Variants in CNMD observed in about 807,000 individuals in gnomAD.
CNMD encodes the protein chondromodulin.
Under a neutral mutation model 37.5 loss-of-function variants are expected in CNMD, and 30 were observed. That is an observed-to-expected ratio of 0.80 (90% CI 0.60 to 1.09). CNMD has a LOEUF of 1.09. Among genes scored for constraint, CNMD ranks in the 50% least tolerant of loss-of-function variants. The probability of loss-of-function intolerance (pLI) is 0.00; values close to 1 mark genes in which losing one functional copy is unlikely to be tolerated. For synonymous variants in CNMD, 167 were observed against 148.2 expected, an observed-to-expected ratio of 1.13 and a Z score of -0.92; for missense variants, 398 against 423.9, an observed-to-expected ratio of 0.94 and a Z score of 0.54.
intron 4 of CNMD, among the ~76,000 whole-genome samples, chr13:52,720,557 G>C (rs1217084820): frequency 6.6e-6 from 1 of 152,170 alleles, no homozygotes; most frequent in Non-Finnish European, 1.5e-5. Context: ...TAACAGTCAA[G>C]CCCCTCTGCT....
chr13:52,717,051 A>T (rs1964402327), intron 4 of CNMD, among the ~76,000 whole-genome samples: 1 of 152,168 alleles, frequency 6.6e-6, no homozygotes, highest in Non-Finnish European at 1.5e-5. Flanking sequence ...TTCTCCTTGA[A>T]GAGGTCCTTC....
At position 52,736,417 on chromosome 13, in the gene CNMD, C is replaced by G. The variant is rs540738093; in HGVS notation, c.213+2614G>C. Among the ~76,000 whole-genome samples the G allele has an allele frequency of 8.9e-4, 136 of 152,296 alleles. 2 individuals carry two copies. Among genetic ancestry groups the G allele is most frequent in the African/African-American group, 2.8e-3 (116 of 41,568 alleles). On this transcript the variant is annotated intron_variant, in intron 2 of 6. Coordinates refer to ENST00000377962, the MANE Select transcript of CNMD (RefSeq NM_007015.3). ...GTGCTGGGATTACAGACGTGAGCCACCACGCCTGGCCTGCAGCCCACCTTT... is the reference window on the plus strand; with the variant it reads ...GTGCTGGGATTACAGACGTGAGCCAGCACGCCTGGCCTGCAGCCCACCTTT...
intron 2 of CNMD, among the ~76,000 whole-genome samples, chr13:52,736,289 C>T (rs907400799): frequency 3.3e-5 from 5 of 152,084 alleles, no homozygotes; most frequent in Non-Finnish European, 7.4e-5. Context: ...CCACCGCGCC[C>T]GGCCTTTATT....
chr13:52,736,650 CAA>C (rs1461753616), intron 2 of CNMD, among the ~76,000 whole-genome samples: 6 of 152,182 alleles, frequency 3.9e-5, no homozygotes, highest in African/African-American at 1.4e-4. Context: ...TTTATCCAAA[CAA>C]GATGAAATTT....
rs1260253219 is a variant in CNMD, at chr13:52,703,316, A to G, written c.*279T>C. Reference sequence around the variant, plus strand: ...TTATTTCAAAATAGCTTTGGAAGATACAAGCAAGGGAAGACTTATGGCAAA... The same window carrying G: ...TTATTTCAAAATAGCTTTGGAAGATGCAAGCAAGGGAAGACTTATGGCAAA... On this transcript the variant is annotated 3_prime_UTR_variant, in exon 7 of 7. Coordinates refer to ENST00000377962, the MANE Select transcript of CNMD (RefSeq NM_007015.3). 2 of 304,454 alleles carry G rather than the reference A, an allele frequency of 6.6e-6. No homozygotes were observed. The highest frequency in any genetic ancestry group is 1.2e-5 in the Non-Finnish European group (2 of 164,722). 18.9% of individuals were successfully genotyped at this position (304,454 alleles called of 1,614,324 possible). A position where few individuals can be genotyped will look rare whatever the true frequency, so the allele number is the denominator to read the frequency against.
At chr13:52,734,692 T>C (rs937220492) in intron 2 of CNMD, among the ~76,000 whole-genome samples, 1 of 152,104 alleles carries the variant, frequency 6.6e-6, no homozygotes, top group African/African-American at 2.4e-5. Context: ...AGTGGAGGAA[T>C]GAGAACTGAT....
chr13:52,731,429 T>C (rs1383657769), intron 3 of CNMD, among the ~76,000 whole-genome samples: 1 of 152,184 alleles, frequency 6.6e-6, no homozygotes, highest in African/African-American at 2.4e-5. Flanking sequence ...TAGTGGCTGA[T>C]TCATGTGTTT....
At chr13:52,732,418 A>T (rs1036705341) in intron 3 of CNMD, among the ~76,000 whole-genome samples, 2 of 152,244 alleles carry the variant, frequency 1.3e-5, no homozygotes, top group African/African-American at 4.8e-5. Flanking sequence ...ACATTGCTGC[A>T]CAGCTTAATG....
In CNMD at chr13:52,703,726, G is replaced by T. The variant is rs921280908; in HGVS notation, c.874C>A (p.His292Asn). The T allele has an allele frequency of 2.5e-6, 4 of 1,614,050 alleles. No individual in the cohort carries two copies. The African/African-American group carries it at 5.3e-5, about 22-fold the overall frequency. Reference protein sequence around the residue: ...CCIECRRSYTHCQKICEPLGG... With the variant: ...CCIECRRSYTNCQKICEPLGG... ...AGGGGTTCACAGATCTTCTGGCAGT[G>T]GGTGTAGCTCCGCCTACATTCTATA... The change falls in exon 7 of 7, where the codon CAC becomes AAC. Residue 292 changes from histidine to asparagine, a missense_variant. Coordinates refer to ENST00000377962, the MANE Select transcript of CNMD (RefSeq NM_007015.3).
chr13:52,712,511 C>G (rs1410352887), intron 5 of CNMD, among the ~76,000 whole-genome samples: 1 of 152,122 alleles, frequency 6.6e-6, no homozygotes, highest in African/African-American at 2.4e-5. Flanking sequence ...CCTGTTAACC[C>G]TACTGCTCCT....
intron 3 of CNMD, among the ~76,000 whole-genome samples, chr13:52,724,553 T>C (rs1275408191): frequency 6.7e-6 from 1 of 149,644 alleles, no homozygotes; most frequent in East Asian, 2.0e-4. Flanking sequence ...ATTGCGCCAC[T>C]GCACTCCACA....
chr13:52,706,803 T>A (rs4242994), intron 6 of CNMD, among the ~76,000 whole-genome samples: 1 of 152,142 alleles, frequency 6.6e-6, no homozygotes, highest in Non-Finnish European at 1.5e-5. Flanking sequence ...TTGTTAATAG[T>A]TTGCTTTGGG....
intron 5 of CNMD, among the ~76,000 whole-genome samples, chr13:52,709,973 A>G (rs1241001192): frequency 6.6e-6 from 1 of 152,128 alleles, no homozygotes; most frequent in African/African-American, 2.4e-5. Context: ...CTCCATCTCA[A>G]AAAAAAGTAG....
rs537933546 is a variant in CNMD, at chr13:52,706,707, A to G, written c.789+1829T>C. The stretch of plus-strand genomic sequence containing the variant: ...TGTAACTGGAAAGAAAGCAAGGTAT[A>G]AAAGTTTTGTGTTAAAAGTGTGTGT... On this transcript the variant is annotated intron_variant, in intron 6 of 6. Transcript: ENST00000377962. 6.8e-5 allele frequency among the ~76,000 whole-genome samples: 10 copies of G among 147,274 alleles called. No homozygotes were observed. In the East Asian group the frequency reaches 2.0e-3, roughly 30 times the overall value.
intron 3 of CNMD, 89 bp from the exon 4 acceptor site, chr13:52,724,199 G>T: frequency 2.1e-6 from 2 of 958,124 alleles, no homozygotes; most frequent in Non-Finnish European, 3.3e-6. Flanking sequence ...TGCTGTTCCG[G>T]GTGCTAGGGA....
intron 4 of CNMD, among the ~76,000 whole-genome samples, chr13:52,722,488 A>G (rs1964500811): frequency 6.6e-6 from 1 of 152,312 alleles, no homozygotes; most frequent in South Asian, 2.1e-4. Flanking sequence ...TCTGTCAACC[A>G]TCAAGTAGAT....
rs761474005 is a variant in CNMD, at chr13:52,739,816, C to T, written c.-115G>A. ...CGCGCGCACACACGGTGCACGGTCC[C>T]GCCTGGGCCAGCCCAGCGGTCCCCA... On this transcript the variant is annotated 5_prime_UTR_variant, in exon 1 of 7. Transcript: ENST00000377962. The surrounding 1 kb of genome is among the most constrained non-coding windows in gnomAD (Gnocchi z 5.4). 3.5e-6 allele frequency: 3 copies of T among 853,748 alleles called. No individual in the cohort carries two copies. The highest frequency in any genetic ancestry group is 1.6e-5 in the South Asian group (1 of 63,336). The allele number at this position is 853,748 out of a possible 1,614,324, so 52.9% of individuals were successfully genotyped here.
chr13:52,707,579 AAAGTGGAT>A (rs1964206189), intron 6 of CNMD, among the ~76,000 whole-genome samples: 1 of 152,200 alleles, frequency 6.6e-6, no homozygotes, highest in African/African-American at 2.4e-5. Context: ...CCTGTTGAAT[AAAGTGGAT>A]ATAAAGGGGG....
chr13:52,716,181 A>G (rs1461503853), intron 4 of CNMD, among the ~76,000 whole-genome samples: 4 of 151,824 alleles, frequency 2.6e-5, no homozygotes, highest in African/African-American at 7.3e-5. Flanking sequence ...TCCTTCACCC[A>G]CTTTTTGATG....
Sources: gnomAD v4.1 joint callset for allele counts (sites outside exome capture counted in the v4.1 genomes callset) on GRCh38, gnomAD v4.1.1 for gene constraint, Gnocchi (gnomAD v3.1) non-coding constraint, MANE v1.5 for transcripts, NCBI Gene and HGNC (gene_info 2026-07-23, HGNC 2026-07-21) for gene names.